Variants in SLK observed in about 807,000 individuals in gnomAD.
The protein encoded by SLK is STE20 like kinase.
In SLK, 67 loss-of-function variants were observed where a neutral mutation model predicts 147.7. The observed-to-expected ratio is 0.45, with a 90% CI of 0.37 to 0.56. SLK has a LOEUF of 0.56. Among genes scored for constraint, SLK ranks in the 20% least tolerant of loss-of-function variants. SLK has a pLI of 0.00. For missense variants in SLK, 1,136 were observed against 1,438.8 expected (o/e 0.79, Z 3.41); for synonymous variants, 441 against 475.0 (o/e 0.93, Z 0.93).
In SLK at chr10:104,026,970, C is replaced by T. The variant is rs1844606859; in HGVS notation, c.*1250C>T. 1 of 152,168 alleles carries T rather than the reference C, an allele frequency of 6.6e-6. No individual in the cohort carries two copies. The highest frequency in any genetic ancestry group is 6.5e-5 in the Admixed American group (1 of 15,272). The allele number at this position is 152,168 out of a possible 1,614,324, so 9.4% of individuals were successfully genotyped here. On this transcript the variant is annotated 3_prime_UTR_variant, in exon 19 of 19. Coordinates refer to ENST00000369755, the MANE Select transcript of SLK (RefSeq NM_014720.4). ...CTTATGAGGCTTAGAATTTCAACCA[C>T]GTGTCAGGTCAGACAGTATTATAAA...
chr10:103,986,446 G>A (rs1303766432), intron 1 of SLK, among the ~76,000 whole-genome samples: 1 of 152,156 alleles, frequency 6.6e-6, no homozygotes, highest in Non-Finnish European at 1.5e-5. Flanking sequence ...ATGCTCCTCT[G>A]AGAAGCTAAT....
chr10:104,020,584 G>T lies in SLK; in HGVS notation c.3418G>T (p.Ala1140Ser). 6.2e-7 allele frequency: 1 copy of T among 1,613,844 alleles called. No homozygotes were observed. Among genetic ancestry groups the T allele is most frequent in the Non-Finnish European group, 8.5e-7 (1 of 1,179,910 alleles). The change falls in exon 17 of 19, where the codon GCC becomes TCC. Residue 1140 changes from alanine to serine, a missense_variant. Physicochemically the swap from Ala to Ser is moderately conservative, Grantham distance 99 (BLOSUM62 1). Around this residue, in one of 6 missense-constraint regions of SLK, gnomAD observed 327 missense variants for 457.5 expected, o/e 0.71. Coordinates refer to ENST00000369755, the MANE Select transcript of SLK (RefSeq NM_014720.4). ...GCGAGATCTTCAGTTGCAGTGTGAA[G>T]CCAATGTCCGCGAACTGCATCAGCT... Reference protein sequence around the residue: ...QMRDLQLQCEANVRELHQLQN... With the variant: ...QMRDLQLQCESNVRELHQLQN...
At position 104,025,744 on chromosome 10, in the gene SLK, G is replaced by A. The variant is rs184996484; in HGVS notation, c.*24G>A. ...AACAAAGGGAAGCATTCTGTGCGTGGGTTTGGCTCTTTCAGTATGTCATTC... is the reference window on the plus strand; with the variant it reads ...AACAAAGGGAAGCATTCTGTGCGTGAGTTTGGCTCTTTCAGTATGTCATTC... On this transcript the variant is annotated 3_prime_UTR_variant, in exon 19 of 19. Coordinates refer to ENST00000369755, the MANE Select transcript of SLK (RefSeq NM_014720.4). The A allele has an allele frequency of 1.9e-6, 3 of 1,609,656 alleles. No individual in the cohort carries two copies. In the Admixed American group the frequency reaches 5.0e-5, roughly 27 times the overall value.
chr10:103,967,328 AGGCCGCCGGCCGCTTCTCTCTCCCAGAGT>A lies in SLK; in HGVS notation c.-409_-381del. The stretch of plus-strand genomic sequence containing the variant: ...TCGGCTTCTCGACTGCCCGCCTCCG[AGGCCGCCGGCCGCTTCTCTCTCCCAGAGT>A]GGCCGCCGCCCCTGGAGACTCGCCG... On this transcript the variant is annotated 5_prime_UTR_variant, in exon 1 of 19. Coordinates refer to ENST00000369755, the MANE Select transcript of SLK (RefSeq NM_014720.4). 6.7e-6 allele frequency: 1 copy of A among 149,058 alleles called. No individual in the cohort carries two copies. Among genetic ancestry groups the A allele is most frequent in the Non-Finnish European group, 1.5e-5 (1 of 66,604 alleles). 9.2% of individuals were successfully genotyped at this position (149,058 alleles called of 1,614,324 possible). A position where few individuals can be genotyped will look rare whatever the true frequency, so the allele number is the denominator to read the frequency against.
rs1844618418 is a variant in SLK at position 104,027,848 on chromosome 10, G to A, written c.*2128G>A. 1.3e-5 allele frequency: 2 copies of A among 152,094 alleles called. No homozygotes were observed. Among genetic ancestry groups the A allele is most frequent in the South Asian group, 2.1e-4 (1 of 4,832 alleles). 9.4% of individuals were successfully genotyped at this position (152,094 alleles called of 1,614,324 possible). A position where few individuals can be genotyped will look rare whatever the true frequency, so the allele number is the denominator to read the frequency against. On this transcript the variant is annotated 3_prime_UTR_variant, in exon 19 of 19. Coordinates refer to ENST00000369755, the MANE Select transcript of SLK (RefSeq NM_014720.4). ...TGACTCAAGGAGAGAGGCTCAGAGT[G>A]GAATGGTTGGCGCTGTGGGTAAGGT...
intron 4 of SLK, 73 bp from the exon 5 acceptor site, chr10:103,998,826 C>A: frequency 9.7e-7 from 1 of 1,033,746 alleles, no homozygotes; most frequent in South Asian, 1.4e-5. Context: ...ACTTAAAATG[C>A]TTTTTCTCCC....
In SLK at chr10:104,026,244, C is replaced by T. The variant is rs1381334743; in HGVS notation, c.*524C>T. On this transcript the variant is annotated 3_prime_UTR_variant, in exon 19 of 19. Coordinates refer to ENST00000369755, the MANE Select transcript of SLK (RefSeq NM_014720.4). ...ATTTTTTTCTTTAAATAGGAACAAC[C>T]TCTTTTAAAAGAGAAAAATTATTTC... is the stretch of plus-strand genomic sequence containing the variant. The T allele has an allele frequency of 6.6e-6, 1 of 152,530 alleles. No individual in the cohort carries two copies. The highest frequency in any genetic ancestry group is 1.5e-5 in the Non-Finnish European group (1 of 68,020). The allele number at this position is 152,530 out of a possible 1,614,324, so 9.4% of individuals were successfully genotyped here. A position where few individuals can be genotyped will look rare whatever the true frequency, so the allele number is the denominator to read the frequency against.
Position 104,002,551 on chromosome 10 carries a change from C to T in SLK, c.1373C>T (p.Thr458Ile). The T allele has an allele frequency of 1.9e-6, 3 of 1,607,054 alleles. No individual in the cohort carries two copies. The highest frequency in any genetic ancestry group is 1.7e-4 in the Middle Eastern group (1 of 6,034). The change falls in exon 9 of 19, where the codon ACC (threonine) becomes ATC (isoleucine). Residue 458 changes from threonine (T) to isoleucine (I), a missense_variant. Coordinates refer to ENST00000369755, the MANE Select transcript of SLK (RefSeq NM_014720.4). Reference sequence around the variant, plus strand: ...GGAAAAGAGAATAATATAATGATAACCTTAGAAACAAATATTGAACATAAT... The same window carrying T: ...GGAAAAGAGAATAATATAATGATAATCTTAGAAACAAATATTGAACATAAT... ...SEGKENNIMI[T>I]LETNIEHNLK...
rs1271744953 is a variant in SLK, at chr10:104,020,496, A to C, written c.3330A>C (p.Ala1110=). The change falls in exon 17 of 19, where the codon GCA becomes GCC. Residue 1110 remains alanine, a synonymous_variant. Transcript: ENST00000369755. ...QDRDKIKQFA[A]QEEKRQKNER... is the part of the protein sequence containing the mutation. The stretch of plus-strand genomic sequence containing the variant: ...TTTTTTCTTATTTATAGTTTGCTGC[A>C]CAAGAAGAAAAGAGGCAGAAAAATG... 1 of 1,612,842 alleles carries C rather than the reference A, an allele frequency of 6.2e-7. No individual in the cohort carries two copies. Among genetic ancestry groups the C allele is most frequent in the South Asian group, 1.1e-5 (1 of 90,836 alleles).
intron 10 of SLK, 72 bp downstream of exon 10, chr10:104,005,763 G>C: frequency 7.2e-6 from 11 of 1,519,710 alleles, no homozygotes; most frequent in Non-Finnish European, 9.9e-6. Context: ...CAGAAGAATA[G>C]AGAAACAAGG....
At chr10:104,006,996 A>T (rs1844335116) in intron 11 of SLK, among the ~76,000 whole-genome samples, 1 of 152,204 alleles carries the variant, frequency 6.6e-6, no homozygotes, top group Non-Finnish European at 1.5e-5. Context: ...AGTGTTACTG[A>T]GTGTTATATA....
intron 6 of SLK, among the ~76,000 whole-genome samples, chr10:103,999,518 T>G (rs1385191117): frequency 1.3e-5 from 2 of 152,162 alleles, no homozygotes; most frequent in Non-Finnish European, 2.9e-5. Flanking sequence ...TATCTGAAAA[T>G]ATGAATGATT....
At chr10:103,991,714 T>TA (rs1215067995) in intron 2 of SLK, among the ~76,000 whole-genome samples, 28 of 150,758 alleles carry the variant, frequency 1.9e-4, no homozygotes, top group Admixed American at 3.3e-4. Context: ...CAAGCACTTG[T>TA]AAAAAAAAAT....
rs904695206 is a variant in SLK, at chr10:104,005,776, A to G, written c.2480+85A>G. On this transcript the variant is annotated intron_variant, in intron 10 of 18. Coordinates refer to ENST00000369755, the MANE Select transcript of SLK (RefSeq NM_014720.4). ...GTCAGAAGAATAGAGAAACAAGGGT[A>G]AATTATTGGCTAATTTTTTTTTATT... The G allele has an allele frequency of 5.3e-6, 8 of 1,498,508 alleles. No individual in the cohort carries two copies. The Admixed American group carries it at 1.7e-4, about 33-fold the overall frequency. The allele number at this position is 1,498,508 out of a possible 1,614,324, so 92.8% of individuals were successfully genotyped here.
intron 4 of SLK, among the ~76,000 whole-genome samples, chr10:103,994,017 C>G (rs1452062438): frequency 6.6e-6 from 1 of 152,018 alleles, no homozygotes; most frequent in African/African-American, 2.4e-5. Context: ...ACCTTATCCT[C>G]CCTAGTAGCT....
At chr10:104,020,011 A>C (rs1844514438) in intron 16 of SLK, 89 bp downstream of exon 16, 1 of 1,014,406 alleles carries the variant, frequency 9.9e-7, no homozygotes, top group Non-Finnish European at 1.5e-6. Flanking sequence ...CTTTCTAAAC[A>C]ATTAGAGCCA....
intron 4 of SLK, among the ~76,000 whole-genome samples, chr10:103,995,423 CTTTTTTT>C (rs756975426): frequency 4.3e-4 from 29 of 67,692 alleles, no homozygotes; most frequent in African/African-American, 1.8e-3. Context: ...TCTTTCTTTT[CTTTTTTT>C]TTTTTTTTTT....
intron 1 of SLK, 107 bp from the exon 2 acceptor site, chr10:103,990,568 C>T (rs1234735154): frequency 2.5e-5 from 15 of 611,500 alleles, no homozygotes; most frequent in Admixed American, 8.0e-5. Flanking sequence ...ACAGCCTAAA[C>T]GTAAATATGA....
intron 18 of SLK, among the ~76,000 whole-genome samples, chr10:104,022,248 C>T (rs550763010): frequency 6.6e-6 from 1 of 151,992 alleles, no homozygotes; most frequent in South Asian, 2.1e-4. Flanking sequence ...AGGAAGGAAG[C>T]GATGACAGCT....
Sources: allele counts gnomAD v4.1 joint callset (sites outside exome capture counted in the v4.1 genomes callset), GRCh38; gene constraint gnomAD v4.1.1; regional missense constraint gnomAD v4.1.1; transcripts MANE v1.5; gene names NCBI Gene and HGNC (gene_info 2026-07-23, HGNC 2026-07-21).